COLEC12: variants seen among roughly 807,000 people sequenced by gnomAD.
COLEC12 encodes collectin subfamily member 12.
COLEC12 carries 33 observed loss-of-function variants against 71.1 expected under a neutral mutation model. The ratio of observed to expected loss-of-function variants is 0.46; its 90% CI spans 0.35 to 0.62. The LOEUF is 0.62. COLEC12 is among the 20% of genes least tolerant of loss of function. The pLI is 0.00. For missense variants in COLEC12, 765 were observed against 916.1 expected (o/e 0.84, Z 2.13); for synonymous variants, 350 against 353.0 (o/e 0.99, Z 0.10).
intron 3 of COLEC12, among the ~76,000 whole-genome samples, chr18:356,266 T>C (rs1368437426): frequency 1.3e-5 from 2 of 152,128 alleles, no homozygotes; most frequent in Non-Finnish European, 2.9e-5. Flanking sequence ...ATTACTGCCA[T>C]TTTGCAGATA....
chr18:489,436 T>A (rs1323545617), intron 1 of COLEC12, among the ~76,000 whole-genome samples: 1 of 152,168 alleles, frequency 6.6e-6, no homozygotes, highest in Non-Finnish European at 1.5e-5. Flanking sequence ...TCTGAGTGTG[T>A]GCATGTCTGG....
chr18:410,138 C>T (rs1915865308), intron 2 of COLEC12, among the ~76,000 whole-genome samples: 1 of 152,198 alleles, frequency 6.6e-6, no homozygotes, highest in South Asian at 2.1e-4. Context: ...CTTTTCCTTT[C>T]ACATAAACCC....
intron 1 of COLEC12, among the ~76,000 whole-genome samples, chr18:494,440 C>T (rs1014508505): frequency 1.5e-5 from 2 of 131,458 alleles, no homozygotes; most frequent in Admixed American, 7.9e-5. Context: ...CTATTTAATC[C>T]TTAAACAACA....
intron 1 of COLEC12, among the ~76,000 whole-genome samples, chr18:499,671 C>T (rs1182232244): frequency 6.6e-6 from 1 of 152,254 alleles, no homozygotes; most frequent in Admixed American, 6.5e-5. Flanking sequence ...GATGCCTCCG[C>T]TGCGGTTACT....
chr18:500,570 C>T lies in COLEC12; in HGVS notation c.-56G>A, dbSNP rs867321673. The T allele has an allele frequency of 6.0e-5, 73 of 1,211,478 alleles. No homozygotes were observed. The highest frequency in any genetic ancestry group is 7.5e-5 in the Non-Finnish European group (73 of 974,880). The allele number at this position is 1,211,478 out of a possible 1,614,324, so 75.0% of individuals were successfully genotyped here. A position where few individuals can be genotyped will look rare whatever the true frequency, so the allele number is the denominator to read the frequency against. On this transcript the variant is annotated 5_prime_UTR_variant, in exon 1 of 10. Transcript: ENST00000400256. The surrounding 1 kb of genome is among the most constrained non-coding windows in gnomAD (Gnocchi z 5.3). ...GAGCTCCGCGCGAGCGCCGCGCAGC[C>T]GAGGAAGTCGTCCCGAGCGGCTGCT...
At chr18:482,322 C>G (rs547633868) in intron 1 of COLEC12, among the ~76,000 whole-genome samples, 4 of 152,198 alleles carry the variant, frequency 2.6e-5, no homozygotes. Flanking sequence ...CCATATTGGT[C>G]AGGCTGGTCT....
chr18:335,502 C>T lies in COLEC12; in HGVS notation c.1328-272G>A, dbSNP rs1433256175. On this transcript the variant is annotated intron_variant, in intron 5 of 9. Coordinates refer to ENST00000400256, the MANE Select transcript of COLEC12 (RefSeq NM_130386.3). ...CTTTACAGAGGTCATCGAGTTAAAA[C>T]GAGGTGACATGAGTGACCCTAATCC... Among the ~76,000 whole-genome samples, 4 of 152,164 alleles carry T rather than the reference C, an allele frequency of 2.6e-5. No individual in the cohort carries two copies. The East Asian group carries it at 5.8e-4, about 22-fold the overall frequency.
At chr18:377,384 G>T (rs8089947) in intron 2 of COLEC12, among the ~76,000 whole-genome samples, 18,533 of 152,280 alleles carry the variant, frequency 0.12, 1,388 homozygotes, top group East Asian at 0.27. Context: ...GAACCCGTAG[G>T]AATTAGGACT....
chr18:351,783 G>A (rs752155905), intron 3 of COLEC12, among the ~76,000 whole-genome samples: 3 of 152,122 alleles, frequency 2.0e-5, no homozygotes, highest in Non-Finnish European at 2.9e-5. Flanking sequence ...TGTGCACAAC[G>A]TGCAGGTTTG....
chr18:429,311 C>T (rs992312218), intron 2 of COLEC12, among the ~76,000 whole-genome samples: 1 of 152,102 alleles, frequency 6.6e-6, no homozygotes, highest in Non-Finnish European at 1.5e-5. Context: ...TGTACAATGC[C>T]AGACAATCTC....
At chr18:418,469 C>T (rs1000902668) in intron 2 of COLEC12, among the ~76,000 whole-genome samples, 2 of 152,284 alleles carry the variant, frequency 1.3e-5, no homozygotes, top group South Asian at 4.1e-4. Context: ...ACAACTCCAT[C>T]TTAAATAGGA....
At chr18:324,485 AAC>A (rs56732220) in intron 8 of COLEC12, among the ~76,000 whole-genome samples, 1 of 151,610 alleles carries the variant, frequency 6.6e-6, no homozygotes, top group Non-Finnish European at 1.5e-5. Context: ...GTAAGCTGGA[AAC>A]ACACACACAC....
At chr18:339,449 G>A (rs1313871675) in intron 5 of COLEC12, among the ~76,000 whole-genome samples, 1 of 152,210 alleles carries the variant, frequency 6.6e-6, no homozygotes, top group African/African-American at 2.4e-5. Flanking sequence ...TCCAGATCTT[G>A]TGAAGGAAGG....
chr18:322,127 G>A (rs1461017997), intron 8 of COLEC12, among the ~76,000 whole-genome samples: 1 of 150,718 alleles, frequency 6.6e-6, no homozygotes, highest in Non-Finnish European at 1.5e-5. Flanking sequence ...AATGTGTACT[G>A]GAATGCTGAC....
At chr18:440,833 A>G (rs1329298523) in intron 2 of COLEC12, among the ~76,000 whole-genome samples, 1 of 152,238 alleles carries the variant, frequency 6.6e-6, no homozygotes, top group East Asian at 1.9e-4. Context: ...TGTCAGCCCC[A>G]TCATACCTAT....
chr18:499,224 A>G (rs1377417839), intron 1 of COLEC12, among the ~76,000 whole-genome samples: 1 of 152,196 alleles, frequency 6.6e-6, no homozygotes, highest in African/African-American at 2.4e-5. Flanking sequence ...CTGCATTTTG[A>G]AATTCTCTAG....
chr18:331,011 C>T (rs1409692892), intron 8 of COLEC12, among the ~76,000 whole-genome samples: 1 of 151,954 alleles, frequency 6.6e-6, no homozygotes, highest in Non-Finnish European at 1.5e-5. Flanking sequence ...TCCCGAGTAG[C>T]TGGCATCACC....
intron 2 of COLEC12, among the ~76,000 whole-genome samples, chr18:422,546 AAT>A (rs1400210776): frequency 6.6e-6 from 1 of 152,204 alleles, no homozygotes; most frequent in Non-Finnish European, 1.5e-5. Flanking sequence ...AACAAGGAGC[AAT>A]ATATAAGGTA....
chr18:429,478 T>C (rs2143670748), intron 2 of COLEC12, among the ~76,000 whole-genome samples: 1 of 151,952 alleles, frequency 6.6e-6, no homozygotes, highest in South Asian at 2.1e-4. Context: ...GCTTCTCGGG[T>C]TCAAGTGATT....
Sources: gnomAD v4.1 joint callset for allele counts (sites outside exome capture counted in the v4.1 genomes callset) on GRCh38, gnomAD v4.1.1 for gene constraint, Gnocchi (gnomAD v3.1) non-coding constraint, MANE v1.5 for transcripts, NCBI Gene and HGNC (gene_info 2026-07-23, HGNC 2026-07-21) for gene names.